LRRC75A: variants seen among roughly 807,000 people sequenced by gnomAD.
LRRC75A encodes the protein leucine-rich repeat-containing protein 75A.
Under a neutral mutation model 26.0 loss-of-function variants are expected in LRRC75A, and 12 were observed. The observed-to-expected ratio is 0.46, with a 90% CI of 0.30 to 0.75. The LOEUF (loss-of-function observed/expected upper bound fraction) is 0.75. Ranked by LOEUF, LRRC75A falls within the 30% of genes least tolerant of loss-of-function variation. The probability of loss-of-function intolerance (pLI) is 0.08; values close to 1 mark genes in which losing one functional copy is unlikely to be tolerated. For missense variants in LRRC75A, 410 were observed against 486.6 expected, an observed-to-expected ratio of 0.84 and a Z score of 1.48; for synonymous variants, 223 against 219.3, an observed-to-expected ratio of 1.02 and a Z score of -0.15.
rs1348121761 is a variant in LRRC75A, at chr17:16,441,979, A to G, written c.*1609T>C. On this transcript the variant is annotated 3_prime_UTR_variant, in exon 4 of 4. Coordinates refer to ENST00000470794, the MANE Select transcript of LRRC75A (RefSeq NM_001113567.3). ...TGAAATGTTTTTTCATGCAGTTACC[A>G]TGAACTAATACTACAATAAAGGATG... The G allele has an allele frequency of 6.5e-6, 1 of 153,250 alleles. No homozygotes were observed. Among genetic ancestry groups the G allele is most frequent in the Non-Finnish European group, 1.5e-5 (1 of 68,740 alleles). 9.5% of individuals were successfully genotyped at this position (153,250 alleles called of 1,614,324 possible). A position where few individuals can be genotyped will look rare whatever the true frequency, so the allele number is the denominator to read the frequency against.
At chr17:16,458,753 G>A (rs1318437776) in intron 2 of LRRC75A, among the ~76,000 whole-genome samples, 1 of 151,714 alleles carries the variant, frequency 6.6e-6, no homozygotes, top group Non-Finnish European at 1.5e-5. Context: ...CCAAAGGTGT[G>A]AGCCACCGAG....
intron 1 of LRRC75A, among the ~76,000 whole-genome samples, chr17:16,485,661 TGTGTGTGTTC>T (rs1353171828): frequency 4.0e-4 from 52 of 130,492 alleles, no homozygotes; most frequent in African/African-American, 5.7e-4. Flanking sequence ...TGTGTGTGTG[TGTGTGTGTTC>T]GTGTGTGTGT....
intron 1 of LRRC75A, among the ~76,000 whole-genome samples, chr17:16,482,049 T>C (rs1290291394): frequency 6.6e-6 from 1 of 152,112 alleles, no homozygotes; most frequent in Non-Finnish European, 1.5e-5. Context: ...TTACGCTTGG[T>C]GTGGGGCAGG....
At position 16,443,512 on chromosome 17, in the gene LRRC75A, G is replaced by A; in HGVS notation, c.*76C>T. ...GGCAATATCCTTAACCCACCTGATA[G>A]GAGAAGCGCCCTCCCCTGCCTGCCT... On this transcript the variant is annotated 3_prime_UTR_variant, in exon 4 of 4. Transcript: ENST00000470794. 1 of 1,358,518 alleles carries A rather than the reference G, an allele frequency of 7.4e-7. No homozygotes were observed. The highest frequency in any genetic ancestry group is 2.8e-5 in the Admixed American group (1 of 35,658). 84.2% of individuals were successfully genotyped at this position (1,358,518 alleles called of 1,614,324 possible).
At chr17:16,452,844 T>C (rs1349552188) in intron 2 of LRRC75A, among the ~76,000 whole-genome samples, 1 of 152,082 alleles carries the variant, frequency 6.6e-6, no homozygotes, top group Admixed American at 6.6e-5. Flanking sequence ...GCATCACTCC[T>C]GGAACCACCC....
chr17:16,461,826 T>G (rs1003460433), intron 2 of LRRC75A, among the ~76,000 whole-genome samples: 8 of 152,140 alleles, frequency 5.3e-5, no homozygotes, highest in Non-Finnish European at 1.0e-4. Context: ...AGGGCTGGAT[T>G]TGAACTTTCC....
intron 1 of LRRC75A, among the ~76,000 whole-genome samples, chr17:16,464,172 T>C (rs959894911): frequency 1.3e-5 from 2 of 152,178 alleles, no homozygotes; most frequent in Non-Finnish European, 2.9e-5. Flanking sequence ...ATGGCAGGAA[T>C]GAACCTTGGA....
Position 16,492,148 on chromosome 17 carries a change from GT to G in LRRC75A, c.-159del. ...CGCGGGGGCGGGCGGGCGGGCGGCTGTCGGCGCTCCCCGCGCTCCTCCCTCT... is the reference window on the plus strand; with the variant it reads ...CGCGGGGGCGGGCGGGCGGGCGGCTGCGGCGCTCCCCGCGCTCCTCCCTCT... On this transcript the variant is annotated 5_prime_UTR_variant, in exon 1 of 4. Transcript: ENST00000470794. 4.0e-6 allele frequency: 2 copies of G among 505,324 alleles called. No homozygotes were observed. Among genetic ancestry groups the G allele is most frequent in the South Asian group, 8.4e-5 (1 of 11,836 alleles). 31.3% of individuals were successfully genotyped at this position (505,324 alleles called of 1,614,324 possible).
chr17:16,467,816 G>A (rs2093781026), intron 1 of LRRC75A, among the ~76,000 whole-genome samples: 1 of 152,166 alleles, frequency 6.6e-6, no homozygotes, highest in Non-Finnish European at 1.5e-5. Context: ...CAGCATATAG[G>A]AGGCCTCTGA....
chr17:16,478,187 T>C (rs1484948585), intron 1 of LRRC75A, among the ~76,000 whole-genome samples: 1 of 151,160 alleles, frequency 6.6e-6, no homozygotes, highest in Non-Finnish European at 1.5e-5. Context: ...TCTTCTTTTT[T>C]TTTCTTTTTT....
At chr17:16,444,640 G>A (rs1363094084) in intron 3 of LRRC75A, among the ~76,000 whole-genome samples, 1 of 151,978 alleles carries the variant, frequency 6.6e-6, no homozygotes, top group Non-Finnish European at 1.5e-5. Flanking sequence ...ACAGCAGGCA[G>A]GGCAGGGCTC....
Position 16,443,626 on chromosome 17 carries a change from G to A in LRRC75A, c.997C>T (p.His333Tyr), listed in dbSNP as rs2093553178. The A allele has an allele frequency of 6.5e-7, 1 of 1,546,770 alleles. No individual in the cohort carries two copies. Among genetic ancestry groups the A allele is most frequent in the African/African-American group, 1.4e-5 (1 of 72,928 alleles). The stretch of plus-strand genomic sequence containing the variant: ...GCAGCTACAGTCTCCTTGCCCTCAT[G>A]GTGGTCTTCGGCAGGTGCCACAGGG... ...GGPVAPAEDH[H>Y]EGKETVAAAQ... The change falls in exon 4 of 4, where the codon CAT (histidine) becomes TAT (tyrosine). Residue 333 changes from histidine to tyrosine, a missense_variant. His to Tyr is a moderately conservative substitution (Grantham distance 83). Transcript: ENST00000470794.
chr17:16,484,367 C>CAAAAAACA (rs2093841460), intron 1 of LRRC75A, among the ~76,000 whole-genome samples: 1 of 151,020 alleles, frequency 6.6e-6, no homozygotes, highest in African/African-American at 2.4e-5. Flanking sequence ...AAACAAAAAA[C>CAAAAAACA]AAAAAAAAAT....
At chr17:16,445,131 G>A (rs2093571176) in intron 3 of LRRC75A, among the ~76,000 whole-genome samples, 1 of 143,358 alleles carries the variant, frequency 7.0e-6, no homozygotes, top group African/African-American at 2.6e-5. Context: ...TTACAGGCAT[G>A]AGCCAACACG....
At position 16,462,214 on chromosome 17, in the gene LRRC75A, C is replaced by T. The variant is rs776675351; in HGVS notation, c.375+44G>A. 23 of 1,610,516 alleles carry T rather than the reference C, an allele frequency of 1.4e-5. No individual in the cohort carries two copies. The highest frequency in any genetic ancestry group is 5.0e-5 in the Admixed American group (3 of 59,704). ...CTGCTCTGCCCAGAAAGGCACCCAC[C>T]GCACACCCCGGGACCTGGCTGGCTC... On this transcript the variant is annotated intron_variant, in intron 2 of 3. Coordinates refer to ENST00000470794, the MANE Select transcript of LRRC75A (RefSeq NM_001113567.3). The surrounding 1 kb of genome is among the most constrained non-coding windows in gnomAD (Gnocchi z 4.6).
chr17:16,478,820 C>T (rs2093827028), intron 1 of LRRC75A: 1 of 152,232 alleles, frequency 6.6e-6, no homozygotes, highest in South Asian at 2.1e-4. Context: ...CGAAACGCCA[C>T]AATGCCAGAA....
At chr17:16,473,331 GC>G (rs2093812202) in intron 1 of LRRC75A, among the ~76,000 whole-genome samples, 1 of 152,154 alleles carries the variant, frequency 6.6e-6, no homozygotes, top group African/African-American at 2.4e-5. Flanking sequence ...AGTAATAAAA[GC>G]AACTGCTACA....
rs111640316 is a variant in LRRC75A at position 16,453,336 on chromosome 17, ACACACG to A, written c.376-5382_376-5377del. Among the ~76,000 whole-genome samples, 24 of 137,404 alleles carry A rather than the reference ACACACG, an allele frequency of 1.7e-4. 1 individual carries two copies. The highest frequency in any genetic ancestry group is 4.8e-4 in the African/African-American group (17 of 35,284). 90.1% of individuals were successfully genotyped at this position (137,404 alleles called of 152,430 possible). A position where few individuals can be genotyped will look rare whatever the true frequency, so the allele number is the denominator to read the frequency against. ...CGCACACACGCACACACGCACACGC[ACACACG>A]CACACGCACACACACACACACGAGA... On this transcript the variant is annotated intron_variant, in intron 2 of 3. Coordinates refer to ENST00000470794, the MANE Select transcript of LRRC75A (RefSeq NM_001113567.3).
chr17:16,476,959 C>T (rs34620073), intron 1 of LRRC75A, among the ~76,000 whole-genome samples: 67,797 of 150,370 alleles, frequency 0.45, 16,451 homozygotes, highest in East Asian at 0.67. Flanking sequence ...AGGATGGTCT[C>T]AATCTCCTGA....
Sources: gnomAD v4.1 joint callset for allele counts (sites outside exome capture counted in the v4.1 genomes callset) on GRCh38, gnomAD v4.1.1 for gene constraint, Gnocchi (gnomAD v3.1) non-coding constraint, MANE v1.5 for transcripts, NCBI Gene and HGNC (gene_info 2026-07-23, HGNC 2026-07-21) for gene names.